The following CPNE2 variants were observed in gnomAD, a reference collection of about 807,000 sequenced individuals.
CPNE2 encodes copine-2.
CPNE2 carries 42 observed loss-of-function variants against 69.7 expected under a neutral mutation model. The observed-to-expected ratio is 0.60, with a 90% confidence interval of 0.47 to 0.78. CPNE2 has a LOEUF of 0.78. Ranked by LOEUF, CPNE2 falls within the 30% of genes least tolerant of loss-of-function variation. The probability of loss-of-function intolerance (pLI) is 0.00; values close to 1 mark genes in which losing one functional copy is unlikely to be tolerated. For synonymous variants in CPNE2, 294 were observed against 289.8 expected (o/e 1.01, Z -0.15); for missense variants, 587 against 732.0 (o/e 0.80, Z 2.29).
intron 12 of CPNE2, among the ~76,000 whole-genome samples, chr16:57,133,915 G>A (rs547582746): frequency 6.6e-6 from 1 of 152,242 alleles, no homozygotes; most frequent in South Asian, 2.1e-4. Flanking sequence ...TAGGAAGGGG[G>A]CTGAGGGGGA....
intron 11 of CPNE2, among the ~76,000 whole-genome samples, 194 bp downstream of exon 11, chr16:57,126,187 G>A (rs1567670529): frequency 6.6e-6 from 1 of 152,212 alleles, no homozygotes; most frequent in Admixed American, 6.5e-5. Context: ...AACCTGCCAA[G>A]CGCAGATTCA....
At chr16:57,110,362 C>A (rs1432041334) in intron 1 of CPNE2, among the ~76,000 whole-genome samples, 1 of 151,736 alleles carries the variant, frequency 6.6e-6, no homozygotes, top group Admixed American at 6.6e-5. Flanking sequence ...GTAGCTGGGA[C>A]CACAGGCACG....
intron 6 of CPNE2, 133 bp from the exon 7 acceptor site, chr16:57,119,428 G>A: frequency 8.9e-7 from 1 of 1,119,850 alleles, no homozygotes. Flanking sequence ...CCCAGCCACA[G>A]GGACGCTCAC....
chr16:57,097,910 G>A (rs1320885659), intron 1 of CPNE2, among the ~76,000 whole-genome samples: 1 of 152,234 alleles, frequency 6.6e-6, no homozygotes, highest in East Asian at 1.9e-4. Flanking sequence ...GGAGCTTCCT[G>A]GGAGGCCGGA....
intron 15 of CPNE2, chr16:57,147,056 T>C (rs1364216063): frequency 6.5e-6 from 1 of 153,036 alleles, no homozygotes; most frequent in Non-Finnish European, 1.5e-5. Flanking sequence ...TCCTCTGGGG[T>C]TGCCTGCGAT....
Position 57,115,398 on chromosome 16 carries a change from C to T in CPNE2, c.361-78C>T, listed in dbSNP as rs570225877. 2.5e-5 allele frequency: 30 copies of T among 1,194,694 alleles called. No individual in the cohort carries two copies. In the East Asian group the frequency reaches 7.0e-4, roughly 28 times the overall value. 74.0% of individuals were successfully genotyped at this position (1,194,694 alleles called of 1,614,324 possible). On this transcript the variant is annotated intron_variant, in intron 3 of 15. Coordinates refer to ENST00000290776, the MANE Select transcript of CPNE2 (RefSeq NM_152727.6). ...GTGCAGCCCTGCCAAGAGGATTTTT[C>T]CGGTGCCGGTGGAGGATTTTTCCTT...
At chr16:57,120,836 G>A (rs371095746) in intron 7 of CPNE2, among the ~76,000 whole-genome samples, 19 of 152,216 alleles carry the variant, frequency 1.2e-4, no homozygotes, top group East Asian at 1.2e-3. Context: ...CCATTTGCCA[G>A]GTGTATAAGG....
chr16:57,110,975 G>A (rs969199178), intron 2 of CPNE2, 53 bp downstream of exon 2: 10 of 1,538,702 alleles, frequency 6.5e-6, no homozygotes, highest in Non-Finnish European at 8.8e-6. Flanking sequence ...AGGCTGCTGG[G>A]GAGGGGGAGT....
chr16:57,115,434 C>T (rs2069711741), intron 3 of CPNE2, 42 bp from the exon 4 acceptor site: 1 of 1,508,656 alleles, frequency 6.6e-7, no homozygotes, highest in Non-Finnish European at 9.2e-7. Context: ...CCCGGGCTTC[C>T]CCCGCTTCCT....
chr16:57,128,670 G>A (rs2069817341), intron 12 of CPNE2, among the ~76,000 whole-genome samples: 2 of 152,202 alleles, frequency 1.3e-5, no homozygotes, highest in Non-Finnish European at 2.9e-5. Context: ...AGGACGTATT[G>A]TGTGAAATAT....
chr16:57,105,315 C>T (rs920534383), intron 1 of CPNE2, among the ~76,000 whole-genome samples: 4 of 152,164 alleles, frequency 2.6e-5, no homozygotes, highest in African/African-American at 9.7e-5. Context: ...TGGCTAAAAC[C>T]GTGATGTTCT....
Position 57,137,215 on chromosome 16 carries a change from A to G in CPNE2, c.1235A>G (p.Asn412Ser). ...LPHIRFYGPTNFSPIVNHVAR... is the reference protein window; with the variant it reads ...LPHIRFYGPTSFSPIVNHVAR... ...CACATCCGCTTCTACGGTCCTACCA[A>G]TTTCTCCCCCATCGTCAACCACGTG... The change falls in exon 14 of 16, where the codon AAT becomes AGT. Residue 412 changes from asparagine (N) to serine (S), a missense_variant. Asn to Ser is a conservative substitution (Grantham distance 46, BLOSUM62 1). Around this residue, in one of 5 missense-constraint regions of CPNE2, gnomAD observed 185 missense variants for 252.3 expected, o/e 0.73. Transcript: ENST00000290776. 15 of 1,614,172 alleles carry G rather than the reference A, an allele frequency of 9.3e-6. No homozygotes were observed. The highest frequency in any genetic ancestry group is 1.3e-5 in the Non-Finnish European group (15 of 1,180,034).
rs770139928 is a variant in CPNE2 at position 57,146,196 on chromosome 16, G to A, written c.1414G>A (p.Val472Met). ...KLPMSIIIVG[V>M]GNADFAAMEF... The stretch of plus-strand genomic sequence containing the variant: ...GCCCATGTCCATCATCATCGTGGGC[G>A]TGGGCAATGCGGACTTCGCTGCCAT... The change falls in exon 15 of 16, where the codon GTG becomes ATG. Residue 472 changes from valine (V) to methionine (M), a missense_variant. This residue lies in a region of CPNE2 where 185 missense variants were observed against 252.3 expected (regional missense o/e 0.73). Coordinates refer to ENST00000290776, the MANE Select transcript of CPNE2 (RefSeq NM_152727.6). The surrounding 1 kb of genome is among the most constrained non-coding windows in gnomAD (Gnocchi z 4.4). 4 of 1,573,194 alleles carry A rather than the reference G, an allele frequency of 2.5e-6. No individual in the cohort carries two copies. Among genetic ancestry groups the A allele is most frequent in the Non-Finnish European group, 3.5e-6 (4 of 1,158,234 alleles).
intron 3 of CPNE2, among the ~76,000 whole-genome samples, chr16:57,113,919 G>C (rs566647087): frequency 4.1e-4 from 62 of 152,346 alleles, no homozygotes; most frequent in African/African-American, 1.5e-3. Context: ...CCTGACACAA[G>C]TCTCAATCAT....
At chr16:57,119,690 C>G (rs752796732) in intron 7 of CPNE2, 40 bp downstream of exon 7, 1 of 1,435,164 alleles carries the variant, frequency 7.0e-7, no homozygotes, top group Non-Finnish European at 9.6e-7. Flanking sequence ...ACCTTGCCAG[C>G]TCCAGCCTCC....
chr16:57,118,700 A>G (rs1284799111), intron 5 of CPNE2, among the ~76,000 whole-genome samples: 1 of 151,152 alleles, frequency 6.6e-6, no homozygotes, highest in African/African-American at 2.4e-5. Flanking sequence ...ATAGATAGAT[A>G]GATAGATAGA....
rs946395070 is a variant in CPNE2, at chr16:57,146,636, A to G, written c.1539+315A>G. Reference sequence around the variant, plus strand: ...TGGGGTCTGATGAGAGGCTGGGGCTATCCATGTGGTGTAAAGTGCAGGAGG... The same window carrying G: ...TGGGGTCTGATGAGAGGCTGGGGCTGTCCATGTGGTGTAAAGTGCAGGAGG... On this transcript the variant is annotated intron_variant, in intron 15 of 15. Transcript: ENST00000290776. This position sits in a 1 kb window ranked among gnomAD's most constrained non-coding sequence, Gnocchi z 4.4. The G allele has an allele frequency of 3.0e-6, 1 of 333,096 alleles. No homozygotes were observed. The highest frequency in any genetic ancestry group is 4.6e-5 in the Admixed American group (1 of 21,514). 20.6% of individuals were successfully genotyped at this position (333,096 alleles called of 1,614,324 possible). A position where few individuals can be genotyped will look rare whatever the true frequency, so the allele number is the denominator to read the frequency against.
intron 2 of CPNE2, among the ~76,000 whole-genome samples, chr16:57,111,308 C>G (rs2069680593): frequency 1.3e-5 from 2 of 151,770 alleles, no homozygotes; most frequent in Admixed American, 1.3e-4. Context: ...TCCCGATTAG[C>G]TGGGGCTACA....
At chr16:57,128,340 C>T (rs1372310464) in intron 12 of CPNE2, among the ~76,000 whole-genome samples, 5 of 152,166 alleles carry the variant, frequency 3.3e-5, no homozygotes, top group African/African-American at 1.2e-4. Flanking sequence ...AACAATTCTC[C>T]TGCCTCAGCC....
Sources: gnomAD v4.1 joint callset for allele counts (sites outside exome capture counted in the v4.1 genomes callset) on GRCh38, gnomAD v4.1.1 for gene constraint, gnomAD v4.1.1 regional missense constraint, Gnocchi (gnomAD v3.1) non-coding constraint, MANE v1.5 for transcripts, NCBI Gene and HGNC (gene_info 2026-07-23, HGNC 2026-07-21) for gene names.